The following CNTNAP2 variants were observed in gnomAD, a reference collection of about 807,000 sequenced individuals.
The protein encoded by CNTNAP2 is contactin-associated protein-like 2.
CNTNAP2 carries 98 observed loss-of-function variants against 155.2 expected under a neutral mutation model. That is an observed-to-expected ratio of 0.63 (90% CI 0.54 to 0.75). CNTNAP2 has a LOEUF of 0.75. Ranked by LOEUF, CNTNAP2 falls within the 30% of genes least tolerant of loss-of-function variation. The pLI is 0.00. For missense variants in CNTNAP2, 1,727 were observed against 1,688.1 expected, an observed-to-expected ratio of 1.02 and a Z score of -0.40; for synonymous variants, 651 against 631.2, an observed-to-expected ratio of 1.03 and a Z score of -0.47.
chr7:146,980,013 T>G (rs1001718965), intron 3 of CNTNAP2, among the ~76,000 whole-genome samples: 2 of 152,208 alleles, frequency 1.3e-5, no homozygotes, highest in Non-Finnish European at 2.9e-5. Context: ...AATGTAACCT[T>G]TTTCCAGGTG....
chr7:147,966,064 A>G (rs572471944), intron 14 of CNTNAP2, among the ~76,000 whole-genome samples: 1 of 152,274 alleles, frequency 6.6e-6, no homozygotes, highest in East Asian at 1.9e-4. Context: ...TGAAGTGGGA[A>G]TAACAAAGTA....
chr7:146,880,806 A>G (rs1403728685), intron 3 of CNTNAP2, among the ~76,000 whole-genome samples: 1 of 152,074 alleles, frequency 6.6e-6, no homozygotes, highest in Non-Finnish European at 1.5e-5. Flanking sequence ...TATTTGTTTT[A>G]TTATCTTTTA....
At chr7:146,401,365 A>G (rs1795711282) in intron 1 of CNTNAP2, among the ~76,000 whole-genome samples, 2 of 152,188 alleles carry the variant, frequency 1.3e-5, no homozygotes, top group Non-Finnish European at 2.9e-5. Flanking sequence ...AAAATAAAAA[A>G]TAAAAAATAA....
At chr7:147,021,908 C>G (rs1798824504) in intron 3 of CNTNAP2, among the ~76,000 whole-genome samples, 3 of 152,092 alleles carry the variant, frequency 2.0e-5, no homozygotes, top group Admixed American at 2.0e-4. Flanking sequence ...ATGAAGGACA[C>G]TCATGTACTT....
intron 1 of CNTNAP2, among the ~76,000 whole-genome samples, chr7:146,544,872 G>C (rs1278674130): frequency 6.6e-6 from 1 of 151,886 alleles, no homozygotes; most frequent in Non-Finnish European, 1.5e-5. Context: ...ATCATCACAG[G>C]GTACTCTTGT....
At chr7:146,147,410 T>A (rs565649949) in intron 1 of CNTNAP2, among the ~76,000 whole-genome samples, 2 of 152,312 alleles carry the variant, frequency 1.3e-5, no homozygotes, top group East Asian at 3.9e-4. Context: ...AAGGCCATTA[T>A]AGGTGGATGG....
Position 148,152,877 on chromosome 7 carries a change from C to T in CNTNAP2, c.2773+5168C>T, listed in dbSNP as rs574156613. ...CTACTAAAAATACAAAAAAATTAGC[C>T]AGGTGTAGTGGCAGGCGCCTGTAGT... On this transcript the variant is annotated intron_variant, in intron 17 of 23. Coordinates refer to ENST00000361727, the MANE Select transcript of CNTNAP2 (RefSeq NM_014141.6). Among the ~76,000 whole-genome samples, 6 of 151,902 alleles carry T rather than the reference C, an allele frequency of 3.9e-5. No individual in the cohort carries two copies. The South Asian group carries it at 1.3e-3, about 32-fold the overall frequency.
At chr7:148,203,123 A>G (rs1487850081) in intron 18 of CNTNAP2, among the ~76,000 whole-genome samples, 1 of 152,202 alleles carries the variant, frequency 6.6e-6, no homozygotes, top group East Asian at 1.9e-4. Context: ...ACCACTATTG[A>G]AAAATTATAG....
chr7:146,208,769 T>C (rs1798989865), intron 1 of CNTNAP2: 1 of 152,156 alleles, frequency 6.6e-6, no homozygotes, highest in Non-Finnish European at 1.5e-5. Context: ...TCGCAGCTTG[T>C]CATTGCCCTT....
At chr7:148,029,873 A>G (rs1802441484) in intron 15 of CNTNAP2, among the ~76,000 whole-genome samples, 1 of 152,194 alleles carries the variant, frequency 6.6e-6, no homozygotes, top group Non-Finnish European at 1.5e-5. Flanking sequence ...TACTCCTGTA[A>G]GGTATATTTC....
At chr7:147,582,043 T>A (rs762087950) in intron 12 of CNTNAP2, among the ~76,000 whole-genome samples, 4 of 152,174 alleles carry the variant, frequency 2.6e-5, no homozygotes, top group Non-Finnish European at 4.4e-5. Flanking sequence ...CTTAGTTTAT[T>A]GAAGTTCTTT....
At chr7:148,051,426 T>C (rs1479828162) in intron 15 of CNTNAP2, among the ~76,000 whole-genome samples, 1 of 151,980 alleles carries the variant, frequency 6.6e-6, no homozygotes, top group Non-Finnish European at 1.5e-5. Flanking sequence ...GTTTTTTTTT[T>C]TAAGATTGCT....
chr7:146,135,263 A>G (rs1003433919), intron 1 of CNTNAP2, among the ~76,000 whole-genome samples: 4 of 152,100 alleles, frequency 2.6e-5, no homozygotes, highest in African/African-American at 4.8e-5. Context: ...TATTTTGGGT[A>G]TAAATAGAAG....
chr7:148,172,721 A>G (rs1794844558), intron 18 of CNTNAP2, among the ~76,000 whole-genome samples: 2 of 152,172 alleles, frequency 1.3e-5, no homozygotes, highest in South Asian at 4.2e-4. Context: ...CAAATTATTC[A>G]CTGCCCGAAA....
intron 1 of CNTNAP2, among the ~76,000 whole-genome samples, chr7:146,273,641 G>C (rs932988346): frequency 2.0e-5 from 3 of 151,974 alleles, no homozygotes; most frequent in Non-Finnish European, 4.4e-5. Flanking sequence ...GTTCTCTCAG[G>C]GTATTTTAAG....
chr7:146,539,303 G>T (rs71530744), intron 1 of CNTNAP2, among the ~76,000 whole-genome samples: 8,093 of 152,040 alleles, frequency 0.053, 307 homozygotes, highest in Non-Finnish European at 0.085. Context: ...ATGAGGAAGG[G>T]TTAATCAGCT....
At chr7:146,911,699 T>G (rs1325016424) in intron 3 of CNTNAP2, among the ~76,000 whole-genome samples, 1 of 151,096 alleles carries the variant, frequency 6.6e-6, no homozygotes, top group Non-Finnish European at 1.5e-5. Flanking sequence ...GAGGTATACC[T>G]AAGGCTAGAT....
intron 8 of CNTNAP2, among the ~76,000 whole-genome samples, chr7:147,290,637 T>C (rs1805284009): frequency 7.0e-6 from 1 of 142,714 alleles, no homozygotes; most frequent in African/African-American, 2.6e-5. Flanking sequence ...GGGCTGAGAT[T>C]GCACCACTGC....
chr7:147,367,638 AT>A (rs1256376155), intron 9 of CNTNAP2, among the ~76,000 whole-genome samples: 1 of 152,116 alleles, frequency 6.6e-6, no homozygotes, highest in Non-Finnish European at 1.5e-5. Flanking sequence ...CACTCAGCAA[AT>A]GGAAGAATTT....
Sources: gnomAD v4.1 joint callset for allele counts (sites outside exome capture counted in the v4.1 genomes callset) on GRCh38, gnomAD v4.1.1 for gene constraint, MANE v1.5 for transcripts, NCBI Gene and HGNC (gene_info 2026-07-23, HGNC 2026-07-21) for gene names.